The following HIF1AN variants were observed in gnomAD, a reference collection of about 807,000 sequenced individuals.
The protein encoded by HIF1AN is hypoxia-inducible factor 1-alpha inhibitor.
HIF1AN carries 21 observed loss-of-function variants against 47.7 expected under a neutral mutation model. The observed-to-expected ratio is 0.44, with a 90% CI of 0.31 to 0.63. The LOEUF (loss-of-function observed/expected upper bound fraction) is 0.63, where lower values mean the gene tolerates loss of function less well. HIF1AN is among the 30% of genes least tolerant of loss of function. The pLI, the probability that HIF1AN is intolerant of heterozygous loss-of-function variation, is 0.07. For missense variants in HIF1AN, 320 were observed against 432.7 expected (o/e 0.74, Z 2.31); for synonymous variants, 152 against 155.9 (o/e 0.98, Z 0.18).
rs1046271537 is a variant in HIF1AN, at chr10:100,552,344, C to T, written c.*4207C>T. The T allele has an allele frequency of 1.4e-4, 22 of 152,236 alleles. No homozygotes were observed. The highest frequency in any genetic ancestry group is 5.1e-4 in the African/African-American group (21 of 41,454). The allele number at this position is 152,236 out of a possible 1,614,324, so 9.4% of individuals were successfully genotyped here. On this transcript the variant is annotated 3_prime_UTR_variant, in exon 8 of 8. Coordinates refer to ENST00000299163, the MANE Select transcript of HIF1AN (RefSeq NM_017902.3). ...GTAGGTTCCCTACCTCTGGGTCTTC[C>T]ACCCTTCAAAATCTGGTACAGAATT...
chr10:100,541,003 A>G (rs567396877), intron 3 of HIF1AN, among the ~76,000 whole-genome samples: 1 of 151,740 alleles, frequency 6.6e-6, no homozygotes, highest in African/African-American at 2.4e-5. Context: ...TGATGAGGTC[A>G]GGAGATGGAG....
Position 100,547,214 on chromosome 10 carries a change from G to T in HIF1AN, c.969G>T (p.Glu323Asp). The change falls in exon 7 of 8, where the codon GAG becomes GAT. Residue 323 changes from glutamate to aspartate, a missense_variant. Around this residue, in one of 2 missense-constraint regions of HIF1AN, gnomAD observed 161 missense variants for 272.8 expected, o/e 0.59. Transcript: ENST00000299163. ...AAGTGGCCATAATGAGAAACATTGA[G>T]AAGATGCTTGGAGAGGCCTTGGGGA... ...HQKVAIMRNI[E>D]KMLGEALGNP... is the part of the protein sequence containing the mutation. The T allele has an allele frequency of 6.2e-7, 1 of 1,613,900 alleles. No individual in the cohort carries two copies. Among genetic ancestry groups the T allele is most frequent in the Non-Finnish European group, 8.5e-7 (1 of 1,179,888 alleles).
chr10:100,545,289 T>C (rs991612669), intron 4 of HIF1AN, 193 bp downstream of exon 4: 1 of 534,208 alleles, frequency 1.9e-6, no homozygotes. Context: ...CAGATGTTTG[T>C]AAGTATAACT....
Position 100,557,348 on chromosome 10 carries a change from TATG to T in HIF1AN, c.*9216_*9218del, listed in dbSNP as rs1276952903. On this transcript the variant is annotated 3_prime_UTR_variant, in exon 8 of 8. Coordinates refer to ENST00000299163, the MANE Select transcript of HIF1AN (RefSeq NM_017902.3). ...CTCATTTAAAAAAATTGGTTAATAATATGATGACCTGCCAATGTGTGTGGAAAT... is the reference window on the plus strand; with the variant it reads ...CTCATTTAAAAAAATTGGTTAATAATATGACCTGCCAATGTGTGTGGAAAT... 5 of 152,302 alleles carry T rather than the reference TATG, an allele frequency of 3.3e-5. No homozygotes were observed. Among genetic ancestry groups the T allele is most frequent in the African/African-American group, 9.6e-5 (4 of 41,558 alleles). The allele number at this position is 152,302 out of a possible 1,614,324, so 9.4% of individuals were successfully genotyped here. A position where few individuals can be genotyped will look rare whatever the true frequency, so the allele number is the denominator to read the frequency against.
At chr10:100,547,835 CCGTT>C (rs1843108784) in intron 7 of HIF1AN, among the ~76,000 whole-genome samples, 2 of 151,294 alleles carry the variant, frequency 1.3e-5, no homozygotes, top group South Asian at 4.2e-4. Flanking sequence ...CCATGTCTGT[CCGTT>C]TGGGGCAGAT....
rs897308288 is a variant in HIF1AN, at chr10:100,557,357, C to G, written c.*9220C>G. ...AAAAATTGGTTAATAATATGATGAC[C>G]TGCCAATGTGTGTGGAAATACTATG... On this transcript the variant is annotated 3_prime_UTR_variant, in exon 8 of 8. Coordinates refer to ENST00000299163, the MANE Select transcript of HIF1AN (RefSeq NM_017902.3). 6.6e-6 allele frequency: 1 copy of G among 152,190 alleles called. No homozygotes were observed. Among genetic ancestry groups the G allele is most frequent in the African/African-American group, 2.4e-5 (1 of 41,418 alleles). The allele number at this position is 152,190 out of a possible 1,614,324, so 9.4% of individuals were successfully genotyped here. A position where few individuals can be genotyped will look rare whatever the true frequency, so the allele number is the denominator to read the frequency against.
chr10:100,540,686 G>T lies in HIF1AN; in HGVS notation c.481G>T (p.Asp161Tyr). The change falls in exon 3 of 8, where the codon GAC (aspartate) becomes TAC (tyrosine). Residue 161 changes from aspartate (D) to tyrosine (Y), a missense_variant. Transcript: ENST00000299163. ...CACTGTGGGCAGGAAGATTGTCATG[G>T]ACTTCTTAGGTTTTAACTGGAACTG... is the stretch of plus-strand genomic sequence containing the variant. Reference protein sequence around the residue: ...NDTVGRKIVMDFLGFNWNWIN... With the variant: ...NDTVGRKIVMYFLGFNWNWIN... 1 of 1,613,956 alleles carries T rather than the reference G, an allele frequency of 6.2e-7. No individual in the cohort carries two copies. The highest frequency in any genetic ancestry group is 8.5e-7 in the Non-Finnish European group (1 of 1,179,946).
chr10:100,540,943 C>T (rs1233989978), intron 3 of HIF1AN, among the ~76,000 whole-genome samples, 161 bp downstream of exon 3: 7 of 152,066 alleles, frequency 4.6e-5, no homozygotes, highest in East Asian at 1.9e-4. Context: ...GGCTGGATGC[C>T]GTGGCTCACG....
chr10:100,536,467 T>G lies in HIF1AN; in HGVS notation c.234T>G (p.Leu78=). The change falls in exon 2 of 8, where the codon CTT becomes CTG. Residue 78 remains leucine (L), a synonymous_variant. Transcript: ENST00000299163. ...TGTATCCTGCCCTGAAATGGGACCT[T>G]GAATACCTGCAAGAGAATATTGGCA... is the stretch of plus-strand genomic sequence containing the variant. ...NLVYPALKWD[L]EYLQENIGNG... is the part of the protein sequence containing the mutation. The G allele has an allele frequency of 6.2e-7, 1 of 1,614,146 alleles. No individual in the cohort carries two copies. The highest frequency in any genetic ancestry group is 2.2e-5 in the East Asian group (1 of 44,890).
chr10:100,545,841 T>TTG (rs1554844467), intron 4 of HIF1AN, 102 bp from the exon 5 acceptor site: 1 of 756,770 alleles, frequency 1.3e-6, no homozygotes, highest in African/African-American at 1.7e-5. Flanking sequence ...ATCGTTTTTT[T>TTG]TTTGTTTGTT....
chr10:100,547,177 A>G lies in HIF1AN; in HGVS notation c.932A>G (p.Lys311Arg), dbSNP rs750188925. 1 of 1,614,020 alleles carries G rather than the reference A, an allele frequency of 6.2e-7. No homozygotes were observed. Among genetic ancestry groups the G allele is most frequent in the Non-Finnish European group, 8.5e-7 (1 of 1,179,940 alleles). The change falls in exon 7 of 8, where the codon AAA becomes AGA. Residue 311 changes from lysine (K) to arginine (R), a missense_variant. By Grantham distance (26) the Lys-to-Arg change is conservative (BLOSUM62 2). Coordinates refer to ENST00000299163, the MANE Select transcript of HIF1AN (RefSeq NM_017902.3). ...CCTAAGAGAATTGAATATCCTCTCA[A>G]AGCTCATCAGAAAGTGGCCATAATG... ...PTPKRIEYPL[K>R]AHQKVAIMRN...
chr10:100,544,020 C>T (rs1332971400), intron 3 of HIF1AN, among the ~76,000 whole-genome samples: 1 of 152,150 alleles, frequency 6.6e-6, no homozygotes, highest in African/African-American at 2.4e-5. Context: ...TCTTGGCATA[C>T]CCAGACAGAG....
At position 100,536,589 on chromosome 10, in the gene HIF1AN, A is replaced by G; in HGVS notation, c.356A>G (p.Asn119Ser). Reference protein sequence around the residue: ...ANFQNFKPRSNREEMKFHEFV... With the variant: ...ANFQNFKPRSSREEMKFHEFV... The stretch of plus-strand genomic sequence containing the variant: ...TTCCAGAACTTTAAGCCGAGGTCCA[A>G]CAGGGAAGAAATGAAATTTCATGAG... The change falls in exon 2 of 8, where the codon AAC becomes AGC. Residue 119 changes from asparagine (N) to serine (S), a missense_variant. By Grantham distance (46) the Asn-to-Ser change is conservative. Coordinates refer to ENST00000299163, the MANE Select transcript of HIF1AN (RefSeq NM_017902.3). The G allele has an allele frequency of 6.2e-7, 1 of 1,614,252 alleles. No homozygotes were observed. Among genetic ancestry groups the G allele is most frequent in the Non-Finnish European group, 8.5e-7 (1 of 1,180,042 alleles).
rs1359665005 is a variant in HIF1AN at position 100,554,003 on chromosome 10, A to T, written c.*5866A>T. On this transcript the variant is annotated 3_prime_UTR_variant, in exon 8 of 8. Coordinates refer to ENST00000299163, the MANE Select transcript of HIF1AN (RefSeq NM_017902.3). Reference sequence around the variant, plus strand: ...TGGTTCTTTCTCTCTCAAGAAAAGCATAGGGAAAAACGAGAAACACCTTAG... The same window carrying T: ...TGGTTCTTTCTCTCTCAAGAAAAGCTTAGGGAAAAACGAGAAACACCTTAG... The T allele has an allele frequency of 1.3e-5, 2 of 152,222 alleles. No homozygotes were observed. The highest frequency in any genetic ancestry group is 3.8e-4 in the East Asian group (2 of 5,200). The allele number at this position is 152,222 out of a possible 1,614,324, so 9.4% of individuals were successfully genotyped here.
At position 100,546,594 on chromosome 10, in the gene HIF1AN, T is replaced by C. The variant is rs1843096351; in HGVS notation, c.894+13T>C. The stretch of plus-strand genomic sequence containing the variant: ...CTTCTGGTATAAGGTGAATATGGTT[T>C]GCTTTTTTTGTTTTTTCCAGATGGA... On this transcript the variant is annotated intron_variant, in intron 6 of 7. Coordinates refer to ENST00000299163, the MANE Select transcript of HIF1AN (RefSeq NM_017902.3). 14 of 1,610,734 alleles carry C rather than the reference T, an allele frequency of 8.7e-6. No individual in the cohort carries two copies. The highest frequency in any genetic ancestry group is 1.2e-5 in the Non-Finnish European group (14 of 1,177,680).
chr10:100,547,109 G>C (rs770924083), intron 6 of HIF1AN, 31 bp from the exon 7 acceptor site: 2 of 1,502,066 alleles, frequency 1.3e-6, no homozygotes, highest in East Asian at 4.5e-5. Context: ...TGCTGCTAAA[G>C]GCATTTCCTG....
rs775707186 is a variant in HIF1AN, at chr10:100,535,993, G to C, written c.35G>C (p.Gly12Ala). 3 of 1,561,672 alleles carry C rather than the reference G, an allele frequency of 1.9e-6. No homozygotes were observed. Among genetic ancestry groups the C allele is most frequent in the Admixed American group, 1.9e-5 (1 of 51,512 alleles). The change falls in exon 1 of 8, where the codon GGC becomes GCC. Residue 12 changes from glycine (G) to alanine (A), a missense_variant. Transcript: ENST00000299163. ...AATAAEAVAS[G>A]SGEPREEAGA... Reference sequence around the variant, plus strand: ...ACAGCGGCGGAGGCTGTGGCCTCTGGCTCTGGAGAGCCCCGGGAGGAGGCT... The same window carrying C: ...ACAGCGGCGGAGGCTGTGGCCTCTGCCTCTGGAGAGCCCCGGGAGGAGGCT...
chr10:100,537,717 A>C lies in HIF1AN; in HGVS notation c.428+1056A>C, dbSNP rs1015762282. 1.2e-4 allele frequency among the ~76,000 whole-genome samples: 19 copies of C among 152,308 alleles called. No homozygotes were observed. The South Asian group carries it at 2.3e-3, about 18-fold the overall frequency. ...ACTTCACGGTGAATTACCCTCTCGC[A>C]TTTGGTGTCCAACCCTGGGTTTCTC... On this transcript the variant is annotated intron_variant, in intron 2 of 7. Transcript: ENST00000299163.
In HIF1AN at chr10:100,547,168, ATCCTC is replaced by A; in HGVS notation, c.926_930del (p.Pro309GlnfsTer13). ...GCTCCCACCCCTAAGAGAATTGAAT[ATCCTC>A]TCAAAGCTCATCAGAAAGTGGCCAT... is the stretch of plus-strand genomic sequence containing the variant. On this transcript the variant is annotated frameshift_variant, in exon 7 of 8. Transcript: ENST00000299163. LOFTEE classifies it high-confidence loss of function. 6.2e-7 allele frequency: 1 copy of A among 1,613,912 alleles called. No homozygotes were observed. Among genetic ancestry groups the A allele is most frequent in the Non-Finnish European group, 8.5e-7 (1 of 1,179,890 alleles).
Sources: allele counts gnomAD v4.1 joint callset (sites outside exome capture counted in the v4.1 genomes callset), GRCh38; gene constraint gnomAD v4.1.1; regional missense constraint gnomAD v4.1.1; transcripts MANE v1.5; gene names NCBI Gene and HGNC (gene_info 2026-07-23, HGNC 2026-07-21).